Variants in RBBP8 observed in about 807,000 individuals in gnomAD.
RBBP8 encodes RB binding protein 8, endonuclease, also known as DNA endonuclease RBBP8.
RBBP8 carries 88 observed loss-of-function variants against 108.3 expected under a neutral mutation model. That is an observed-to-expected ratio of 0.81 (90% CI 0.68 to 0.97). The LOEUF (loss-of-function observed/expected upper bound fraction) is 0.97, where lower values mean the gene tolerates loss of function less well. Among genes scored for constraint, RBBP8 ranks in the 50% least tolerant of loss-of-function variants. The probability of loss-of-function intolerance (pLI) is 0.00; values close to 1 mark genes in which losing one functional copy is unlikely to be tolerated. For missense variants in RBBP8, 1,023 were observed against 1,049.0 expected (o/e 0.98, Z 0.34); for synonymous variants, 332 against 348.2 (o/e 0.95, Z 0.52).
At position 22,936,784 on chromosome 18, in the gene RBBP8, C is replaced by G; in HGVS notation, c.-68C>G. On this transcript the variant is annotated 5_prime_UTR_variant, in exon 2 of 19. Coordinates refer to ENST00000327155, the MANE Select transcript of RBBP8 (RefSeq NM_002894.3). Reference sequence around the variant, plus strand: ...TGACCTGTCCAAAGACGACTTGATACCTCTATAATGTAACAGAAAAGGTCA... The same window carrying G: ...TGACCTGTCCAAAGACGACTTGATAGCTCTATAATGTAACAGAAAAGGTCA... 7 of 1,588,738 alleles carry G rather than the reference C, an allele frequency of 4.4e-6. No homozygotes were observed. Among genetic ancestry groups the G allele is most frequent in the Non-Finnish European group, 6.0e-6 (7 of 1,158,722 alleles).
chr18:22,921,431 A>G (rs1288197545), intron 3 of RBBP8, among the ~76,000 whole-genome samples: 1 of 152,174 alleles, frequency 6.6e-6, no homozygotes, highest in East Asian at 1.9e-4. Context: ...ACTTGTTTCT[A>G]TTGGCTTCAG....
At chr18:22,950,771 TAGCC>T (rs1911970487) in intron 4 of RBBP8, among the ~76,000 whole-genome samples, 1 of 152,076 alleles carries the variant, frequency 6.6e-6, no homozygotes, top group African/African-American at 2.4e-5. Context: ...AATTAAAAAT[TAGCC>T]AGGCATGTGA....
At chr18:23,005,121 C>G (rs1165129489) in intron 15 of RBBP8, among the ~76,000 whole-genome samples, 1 of 152,096 alleles carries the variant, frequency 6.6e-6, no homozygotes, top group Non-Finnish European at 1.5e-5. Flanking sequence ...CTAGATCATG[C>G]CACTGCACTC....
upstream of RBBP8, among the ~76,000 whole-genome samples, chr18:22,930,534 T>C (rs1448346721): frequency 2.6e-5 from 4 of 152,244 alleles, no homozygotes; most frequent in East Asian, 7.7e-4. Context: ...TTATTCCATG[T>C]GGTTCTTAAA....
At chr18:22,987,576 C>T (rs1388233186) in intron 8 of RBBP8, among the ~76,000 whole-genome samples, 1 of 152,100 alleles carries the variant, frequency 6.6e-6, no homozygotes, top group Non-Finnish European at 1.5e-5. Flanking sequence ...ACCTCAGCCC[C>T]TCAAGAAGCT....
At chr18:22,923,451 C>T (rs1313029023) in intron 3 of RBBP8, among the ~76,000 whole-genome samples, 1 of 152,174 alleles carries the variant, frequency 6.6e-6, no homozygotes, top group East Asian at 1.9e-4. Flanking sequence ...ATTCTTCTCC[C>T]AATAGGCAAG....
At chr18:22,916,437 T>C (rs1598616697) in intron 2 of RBBP8, among the ~76,000 whole-genome samples, 1 of 152,054 alleles carries the variant, frequency 6.6e-6, no homozygotes, top group African/African-American at 2.4e-5. Flanking sequence ...TAAGGGTAGA[T>C]CTGGGGCCAG....
intron 3 of RBBP8, among the ~76,000 whole-genome samples, chr18:22,919,284 T>C (rs900280564): frequency 6.6e-6 from 1 of 152,096 alleles, no homozygotes; most frequent in Non-Finnish European, 1.5e-5. Flanking sequence ...AATGAATGAA[T>C]AAAGAGCAAA....
rs992814663 is a variant in RBBP8, at chr18:22,975,009, A to G, written c.362-144A>G. 5.7e-6 allele frequency: 6 copies of G among 1,059,622 alleles called. No individual in the cohort carries two copies. In the African/African-American group the frequency reaches 8.1e-5, roughly 14 times the overall value. 65.6% of individuals were successfully genotyped at this position (1,059,622 alleles called of 1,614,324 possible). On this transcript the variant is annotated intron_variant, in intron 5 of 18. Coordinates refer to ENST00000327155, the MANE Select transcript of RBBP8 (RefSeq NM_002894.3). Reference sequence around the variant, plus strand: ...CTAGTAACGAATTAGTTTTGCGCACACTAGTGTTAACCCTGAATAAACATT... The same window carrying G: ...CTAGTAACGAATTAGTTTTGCGCACGCTAGTGTTAACCCTGAATAAACATT...
At chr18:22,978,505 T>TG (rs1034309342) in intron 6 of RBBP8, among the ~76,000 whole-genome samples, 5 of 151,098 alleles carry the variant, frequency 3.3e-5, no homozygotes, top group African/African-American at 1.2e-4. Context: ...GAGCTAGTTT[T>TG]GTTTGTTTTT....
In RBBP8 at chr18:22,971,973, C is replaced by T. The variant is rs574048258; in HGVS notation, c.361+3055C>T. Among the ~76,000 whole-genome samples the T allele has an allele frequency of 3.3e-4, 50 of 151,778 alleles. 1 individual carries two copies. The highest frequency in any genetic ancestry group is 1.2e-3 in the African/African-American group (50 of 41,390). On this transcript the variant is annotated intron_variant, in intron 5 of 18. Coordinates refer to ENST00000327155, the MANE Select transcript of RBBP8 (RefSeq NM_002894.3). ...GTGTTTAATTTCTAAAACAGACAGG[C>T]TTGATATGTTAATGTTTTAATTGGG...
At chr18:23,009,990 G>C (rs942321107) in intron 16 of RBBP8, among the ~76,000 whole-genome samples, 3 of 152,192 alleles carry the variant, frequency 2.0e-5, no homozygotes, top group Non-Finnish European at 2.9e-5. Context: ...TCGATCTCTT[G>C]ACCTTGTGAT....
In RBBP8 at chr18:23,026,412, G is replaced by C. The variant is rs1217588417; in HGVS notation, c.*172G>C. On this transcript the variant is annotated 3_prime_UTR_variant, in exon 19 of 19. Coordinates refer to ENST00000327155, the MANE Select transcript of RBBP8 (RefSeq NM_002894.3). Reference sequence around the variant, plus strand: ...GCTTTTGCACCTTTAAAACAATAAGGCGCTTTCATTTTGCACTCTAACTTA... The same window carrying C: ...GCTTTTGCACCTTTAAAACAATAAGCCGCTTTCATTTTGCACTCTAACTTA... 1.6e-6 allele frequency: 1 copy of C among 615,962 alleles called. No individual in the cohort carries two copies. The highest frequency in any genetic ancestry group is 2.9e-6 in the Non-Finnish European group (1 of 346,930). The allele number at this position is 615,962 out of a possible 1,614,324, so 38.2% of individuals were successfully genotyped here. A position where few individuals can be genotyped will look rare whatever the true frequency, so the allele number is the denominator to read the frequency against.
Position 22,949,594 on chromosome 18 carries a change from A to C in RBBP8, c.153-24A>C, listed in dbSNP as rs765382756. The C allele has an allele frequency of 7.9e-6, 12 of 1,518,886 alleles. No homozygotes were observed. The South Asian group carries it at 1.0e-4, about 13-fold the overall frequency. 94.1% of individuals were successfully genotyped at this position (1,518,886 alleles called of 1,614,324 possible). A position where few individuals can be genotyped will look rare whatever the true frequency, so the allele number is the denominator to read the frequency against. On this transcript the variant is annotated intron_variant, in intron 3 of 18. Transcript: ENST00000327155. The stretch of plus-strand genomic sequence containing the variant: ...TGTTAAGAGTATTTTTATCTGAAAA[A>C]CTTATTTATTTTTTGACCTTTAGAG...
At chr18:22,994,060 G>A (rs201000932) in intron 12 of RBBP8, among the ~76,000 whole-genome samples, 2 of 108,332 alleles carry the variant, frequency 1.8e-5, no homozygotes, top group Admixed American at 1.5e-4. Flanking sequence ...TCGCTCTGTC[G>A]CCCAGGCTGG....
intron 4 of RBBP8, chr18:22,950,005 C>A: frequency 3.9e-6 from 1 of 255,534 alleles, no homozygotes; most frequent in Non-Finnish European, 7.5e-6. Context: ...AGTTTTACTT[C>A]TAAGTAGGTG....
rs376559975 is a variant in RBBP8, at chr18:23,007,002, CAT to C, written c.2357+571_2357+572del. On this transcript the variant is annotated intron_variant, in intron 16 of 18. Coordinates refer to ENST00000327155, the MANE Select transcript of RBBP8 (RefSeq NM_002894.3). ...CTCTGCTTTTGTGTGTGTGCGTGTG[CAT>C]GTGTGTGTGTGTATTTCTTTTTTTT... Among the ~76,000 whole-genome samples the C allele has an allele frequency of 3.5e-3, 516 of 147,284 alleles. 3 individuals are homozygous for C. The highest frequency in any genetic ancestry group is 0.027 in the South Asian group (125 of 4,660).
intron 4 of RBBP8, among the ~76,000 whole-genome samples, chr18:22,962,681 A>G (rs111644706): frequency 6.9e-6 from 1 of 144,580 alleles, no homozygotes; most frequent in African/African-American, 2.6e-5. Flanking sequence ...GCTCACACAC[A>G]TACACACCCC....
intron 4 of RBBP8, among the ~76,000 whole-genome samples, chr18:22,960,297 G>A (rs1326610880): frequency 6.6e-6 from 1 of 152,212 alleles, no homozygotes; most frequent in Non-Finnish European, 1.5e-5. Flanking sequence ...GCTCACACCT[G>A]TATTCCCAGC....
Sources: allele counts gnomAD v4.1 joint callset (sites outside exome capture counted in the v4.1 genomes callset), GRCh38; gene constraint gnomAD v4.1.1; transcripts MANE v1.5; gene names NCBI Gene and HGNC (gene_info 2026-07-23, HGNC 2026-07-21).